DHX57: variants seen among roughly 807,000 people sequenced by gnomAD.
DHX57 encodes the protein putative ATP-dependent RNA helicase DHX57.
DHX57 carries 105 observed loss-of-function variants against 156.2 expected under a neutral mutation model. The ratio of observed to expected loss-of-function variants is 0.67; its 90% CI spans 0.57 to 0.79. The LOEUF is 0.79. DHX57 is among the 30% of genes least tolerant of loss of function. The probability of loss-of-function intolerance (pLI) is 0.00; values close to 1 mark genes in which losing one functional copy is unlikely to be tolerated. For missense variants in DHX57, 1,847 were observed against 1,661.9 expected (o/e 1.11, Z -1.94); for synonymous variants, 704 against 595.6 (o/e 1.18, Z -2.65).
At chr2:38,838,950 G>A (rs1671833196) in intron 12 of DHX57, among the ~76,000 whole-genome samples, 1 of 150,916 alleles carries the variant, frequency 6.6e-6, no homozygotes, top group South Asian at 2.1e-4. Context: ...TTTTATTTTT[G>A]AGACAGAGTC....
intron 13 of DHX57, among the ~76,000 whole-genome samples, chr2:38,836,208 A>T (rs1191076211): frequency 6.6e-6 from 1 of 152,174 alleles, no homozygotes; most frequent in Non-Finnish European, 1.5e-5. Flanking sequence ...ATGAAAGAGC[A>T]AAGTCAGACA....
intron 9 of DHX57, among the ~76,000 whole-genome samples, chr2:38,851,376 C>G (rs1672584448): frequency 6.6e-6 from 1 of 152,150 alleles, no homozygotes; most frequent in African/African-American, 2.4e-5. Context: ...ACACAACTGT[C>G]ACCTTTCTAT....
intron 1 of DHX57, among the ~76,000 whole-genome samples, chr2:38,874,108 T>G (rs1460144410): frequency 6.6e-6 from 1 of 152,050 alleles, no homozygotes; most frequent in Non-Finnish European, 1.5e-5. Flanking sequence ...TTCTTTTTTT[T>G]TGAGACTGGA....
intron 12 of DHX57, among the ~76,000 whole-genome samples, chr2:38,839,055 C>T (rs183405521): frequency 4.0e-4 from 61 of 152,118 alleles, no homozygotes; most frequent in African/African-American, 1.4e-3. Flanking sequence ...CCTCAGCCTC[C>T]TGAGTAGCTG....
At chr2:38,834,927 T>G (rs989806818) in intron 13 of DHX57, among the ~76,000 whole-genome samples, 2 of 152,194 alleles carry the variant, frequency 1.3e-5, no homozygotes, top group Non-Finnish European at 2.9e-5. Context: ...GGAGCAAGAT[T>G]GCTATAAGGC....
At position 38,875,855 on chromosome 2, in the gene DHX57, G is replaced by C. The variant is rs1473510467; in HGVS notation, c.-75C>G. On this transcript the variant is annotated 5_prime_UTR_variant, in exon 1 of 24. Coordinates refer to ENST00000457308, the MANE Select transcript of DHX57 (RefSeq NM_198963.3). ...TGCCCAAGGGTCAGAGGTCCAAACTGGACTTGGCCACCCTCACGATTCTCA... is the reference window on the plus strand; with the variant it reads ...TGCCCAAGGGTCAGAGGTCCAAACTCGACTTGGCCACCCTCACGATTCTCA... The C allele has an allele frequency of 2.5e-6, 1 of 394,856 alleles. No individual in the cohort carries two copies. The highest frequency in any genetic ancestry group is 6.4e-4 in the Middle Eastern group (1 of 1,566). The allele number at this position is 394,856 out of a possible 1,614,324, so 24.5% of individuals were successfully genotyped here.
intron 12 of DHX57, among the ~76,000 whole-genome samples, chr2:38,842,591 A>G (rs1672066183): frequency 6.6e-6 from 1 of 152,220 alleles, no homozygotes; most frequent in Non-Finnish European, 1.5e-5. Flanking sequence ...ATGAACCCAG[A>G]GCAAATGATA....
intron 23 of DHX57, 62 bp downstream of exon 23, chr2:38,802,653 C>A: frequency 6.3e-7 from 1 of 1,595,092 alleles, no homozygotes; most frequent in Non-Finnish European, 8.6e-7. Context: ...GACTTCATAA[C>A]TTCATATTGT....
intron 10 of DHX57, among the ~76,000 whole-genome samples, chr2:38,847,938 C>G (rs1246697447): frequency 1.3e-5 from 2 of 151,926 alleles, no homozygotes; most frequent in Non-Finnish European, 2.9e-5. Context: ...AAAAAATTAG[C>G]TGGGTGAGGT....
intron 6 of DHX57, among the ~76,000 whole-genome samples, chr2:38,857,689 C>T (rs1461038685): frequency 6.6e-6 from 1 of 152,198 alleles, no homozygotes; most frequent in Admixed American, 6.5e-5. Flanking sequence ...CTATCTCTAA[C>T]TTTGCCCTCA....
At chr2:38,820,024 G>A (rs971147705) in intron 17 of DHX57, among the ~76,000 whole-genome samples, 1 of 152,140 alleles carries the variant, frequency 6.6e-6, no homozygotes, top group Non-Finnish European at 1.5e-5. Context: ...AAAGGTATCA[G>A]CATGAGCTGC....
intron 2 of DHX57, 119 bp downstream of exon 2, chr2:38,868,063 A>G (rs556262626): frequency 1.5e-6 from 2 of 1,297,684 alleles, no homozygotes; most frequent in East Asian, 4.7e-5. Flanking sequence ...AGGGTTACAA[A>G]GAGGAAGACA....
rs369917001 is a variant in DHX57, at chr2:38,826,508, C to T, written c.2813+8G>A. On this transcript the variant is annotated splice_region_variant and intron_variant, in intron 15 of 23. Transcript: ENST00000457308. The stretch of plus-strand genomic sequence containing the variant: ...GCCCCTCTCTTACATCACCACAAGA[C>T]GGAATACCTCTTTTCTTTCATTTTC... 1.5e-4 allele frequency: 244 copies of T among 1,612,294 alleles called. No individual in the cohort carries two copies. The highest frequency in any genetic ancestry group is 4.9e-4 in the Middle Eastern group (3 of 6,076).
At chr2:38,853,408 C>G (rs1353390071) in intron 9 of DHX57, 2 of 152,190 alleles carry the variant, frequency 1.3e-5, no homozygotes, top group Admixed American at 1.3e-4. Context: ...TGGGTGTGAG[C>G]CATTGCGCCC....
intron 13 of DHX57, among the ~76,000 whole-genome samples, chr2:38,831,354 T>C (rs974121240): frequency 6.7e-6 from 1 of 149,758 alleles, no homozygotes; most frequent in Admixed American, 6.7e-5. Flanking sequence ...GAAGTCTCGC[T>C]CTTGTCCCCC....
Position 38,861,059 on chromosome 2 carries a change from G to T in DHX57, c.1351C>A (p.Pro451Thr). Residue 451 changes from proline (P) to threonine (T), a missense_variant, in exon 5 of 24, where the codon CCT (proline) becomes ACT (threonine). By Grantham distance (38) the Pro-to-Thr change is conservative (BLOSUM62 -1). Coordinates refer to ENST00000457308, the MANE Select transcript of DHX57 (RefSeq NM_198963.3). ...PVPSRTRINN[P>T]ACHKTVIPNN... ...GGAATCACTGTTTTATGACAGGCAGGATTATTTATTCTGGTCCTAGAGGGT... is the reference window on the plus strand; with the variant it reads ...GGAATCACTGTTTTATGACAGGCAGTATTATTTATTCTGGTCCTAGAGGGT... 3 of 1,614,108 alleles carry T rather than the reference G, an allele frequency of 1.9e-6. No homozygotes were observed. In the South Asian group the frequency reaches 3.3e-5, roughly 18 times the overall value.
intron 20 of DHX57, among the ~76,000 whole-genome samples, chr2:38,815,219 C>A (rs1306156608): frequency 6.6e-6 from 1 of 152,028 alleles, no homozygotes; most frequent in Non-Finnish European, 1.5e-5. Context: ...GGTGGTACAC[C>A]ACCATGCCTG....
intron 9 of DHX57, 111 bp downstream of exon 9, chr2:38,853,943 C>G: frequency 8.9e-7 from 1 of 1,126,788 alleles, no homozygotes; most frequent in Non-Finnish European, 1.2e-6. Context: ...TTCCTTGTGG[C>G]AAATTACCAT....
intron 19 of DHX57, among the ~76,000 whole-genome samples, chr2:38,817,294 T>C (rs1235156827): frequency 6.6e-6 from 1 of 152,260 alleles, no homozygotes; most frequent in East Asian, 1.9e-4. Context: ...TGGCTTCTCA[T>C]ACCACTTTGG....
Sources: allele counts gnomAD v4.1 joint callset (sites outside exome capture counted in the v4.1 genomes callset), GRCh38; gene constraint gnomAD v4.1.1; transcripts MANE v1.5; gene names NCBI Gene and HGNC (gene_info 2026-07-23, HGNC 2026-07-21).